Variants in GRID1 observed in about 807,000 individuals in gnomAD.
GRID1 encodes glutamate receptor ionotropic, delta-1.
A neutral mutation model predicts 98.0 loss-of-function variants in GRID1; 28 were observed. The ratio of observed to expected loss-of-function variants is 0.29; its 90% confidence interval spans 0.21 to 0.39. The LOEUF is 0.39. Ranked by LOEUF, GRID1 falls within the 10% of genes least tolerant of loss-of-function variation. The probability of loss-of-function intolerance (pLI) is 1.00; values close to 1 mark genes in which losing one functional copy is unlikely to be tolerated. For missense variants in GRID1, 1,111 were observed against 1,340.5 expected (o/e 0.83, Z 2.67); for synonymous variants, 553 against 538.5 (o/e 1.03, Z -0.37).
chr10:85,716,019 G>A (rs892932581), intron 12 of GRID1, among the ~76,000 whole-genome samples: 1 of 151,634 alleles, frequency 6.6e-6, no homozygotes, highest in African/African-American at 2.4e-5. Context: ...TGATTCTCCT[G>A]CCTCAGCCTC....
intron 4 of GRID1, among the ~76,000 whole-genome samples, chr10:86,052,013 C>A (rs1843509030): frequency 6.6e-6 from 1 of 152,140 alleles, no homozygotes; most frequent in Non-Finnish European, 1.5e-5. Flanking sequence ...CACAATTTTT[C>A]ATAGCACAAG....
chr10:86,114,996 C>G (rs2131954876), intron 4 of GRID1, among the ~76,000 whole-genome samples: 1 of 152,168 alleles, frequency 6.6e-6, no homozygotes, highest in East Asian at 1.9e-4. Flanking sequence ...CATGTATCTT[C>G]CCCATTTCCT....
intron 2 of GRID1, among the ~76,000 whole-genome samples, chr10:86,247,144 G>T (rs1363675584): frequency 6.6e-6 from 1 of 152,206 alleles, no homozygotes; most frequent in Non-Finnish European, 1.5e-5. Context: ...GTAGGTGGAT[G>T]GATGGATGAG....
rs77360577 is a variant in GRID1 at position 85,848,166 on chromosome 10, T to A, written c.1233+6330A>T. 8.0e-3 allele frequency among the ~76,000 whole-genome samples: 1,212 copies of A among 152,280 alleles called. 8 individuals are homozygous for A. Among genetic ancestry groups the A allele is most frequent in the Non-Finnish European group, 0.012 (838 of 67,986 alleles). On this transcript the variant is annotated intron_variant, in intron 8 of 15. Coordinates refer to ENST00000327946, the MANE Select transcript of GRID1 (RefSeq NM_017551.3). Reference sequence around the variant, plus strand: ...TTAGCATGTGATATAACATAGACTTTATATACTACTCATGGATGTGAAAGT... The same window carrying A: ...TTAGCATGTGATATAACATAGACTTAATATACTACTCATGGATGTGAAAGT...
chr10:85,882,507 C>G (rs2131804167), intron 5 of GRID1, among the ~76,000 whole-genome samples: 1 of 152,166 alleles, frequency 6.6e-6, no homozygotes, highest in East Asian at 1.9e-4. Context: ...TCATTCTCAG[C>G]AAACTATCGC....
chr10:86,179,058 G>C (rs1845617316), intron 3 of GRID1, among the ~76,000 whole-genome samples: 1 of 152,086 alleles, frequency 6.6e-6, no homozygotes, highest in African/African-American at 2.4e-5. Context: ...AATGCCTGGG[G>C]CTTAGGTCAT....
intron 8 of GRID1, among the ~76,000 whole-genome samples, chr10:85,828,717 A>G (rs1042618543): frequency 2.0e-5 from 3 of 152,284 alleles, no homozygotes; most frequent in African/African-American, 7.2e-5. Context: ...AAAAAAATGA[A>G]TAAATTCCTG....
At chr10:85,735,970 G>C (rs1274707084) in intron 8 of GRID1, among the ~76,000 whole-genome samples, 5 of 140,370 alleles carry the variant, frequency 3.6e-5, no homozygotes, top group Non-Finnish European at 4.6e-5. Flanking sequence ...AGTGAAGAAG[G>C]GAGAGAGGGA....
intron 4 of GRID1, among the ~76,000 whole-genome samples, chr10:86,136,772 G>C (rs1420348536): frequency 6.6e-6 from 1 of 152,154 alleles, no homozygotes; most frequent in Non-Finnish European, 1.5e-5. Flanking sequence ...AACAATCCCA[G>C]GGACTTGACT....
intron 4 of GRID1, among the ~76,000 whole-genome samples, chr10:86,000,619 C>A (rs367729286): frequency 1.3e-5 from 2 of 152,118 alleles, no homozygotes; most frequent in Non-Finnish European, 2.9e-5. Flanking sequence ...AATAGACCCA[C>A]ACAAATATAG....
intron 13 of GRID1, among the ~76,000 whole-genome samples, chr10:85,644,810 C>A (rs150009848): frequency 1.5e-4 from 23 of 152,336 alleles, no homozygotes; most frequent in African/African-American, 5.3e-4. Context: ...ACTGTTACTC[C>A]ACGTCTTCTT....
chr10:85,804,356 T>C (rs961385176), intron 8 of GRID1, among the ~76,000 whole-genome samples: 16 of 151,840 alleles, frequency 1.1e-4, no homozygotes, highest in South Asian at 2.1e-4. Flanking sequence ...AATAGACCTG[T>C]AACAATTAAA....
intron 5 of GRID1, among the ~76,000 whole-genome samples, chr10:85,884,781 G>C (rs1368167012): frequency 2.0e-5 from 3 of 152,100 alleles, no homozygotes; most frequent in Non-Finnish European, 4.4e-5. Flanking sequence ...AGAATTTGGG[G>C]CATTAACTGT....
chr10:85,889,254 C>T (rs886484218), intron 5 of GRID1, among the ~76,000 whole-genome samples: 3 of 152,198 alleles, frequency 2.0e-5, no homozygotes, highest in Non-Finnish European at 2.9e-5. Context: ...CAATCCCCTG[C>T]ACCCAACAGA....
chr10:86,143,909 G>T (rs1309340103), intron 3 of GRID1, among the ~76,000 whole-genome samples: 1 of 152,126 alleles, frequency 6.6e-6, no homozygotes, highest in Non-Finnish European at 1.5e-5. Context: ...CCTTGACATC[G>T]CCTCTCTGCC....
intron 5 of GRID1, among the ~76,000 whole-genome samples, chr10:85,880,507 A>G (rs1383232879): frequency 1.3e-5 from 2 of 152,156 alleles, no homozygotes; most frequent in Admixed American, 6.5e-5. Flanking sequence ...TATAAACAGA[A>G]CCAAAGACAA....
chr10:86,127,846 C>T (rs1007395036), intron 4 of GRID1, among the ~76,000 whole-genome samples: 8 of 152,168 alleles, frequency 5.3e-5, no homozygotes, highest in Non-Finnish European at 7.3e-5. Context: ...CCAACAGCCC[C>T]AGATTGGTTC....
rs1465808455 is a variant in GRID1, at chr10:86,172,571, G to A, written c.521-33547C>T. 3.3e-5 allele frequency among the ~76,000 whole-genome samples: 5 copies of A among 152,028 alleles called. No homozygotes were observed. The East Asian group carries it at 9.6e-4, about 29-fold the overall frequency. On this transcript the variant is annotated intron_variant, in intron 3 of 15. Transcript: ENST00000327946. ...ATCCCATGGTATGAATCATTTTCTA[G>A]CAAAAAATAATATGACTATATTATA...
intron 8 of GRID1, among the ~76,000 whole-genome samples, chr10:85,737,760 A>G (rs1464046924): frequency 6.8e-6 from 1 of 147,928 alleles, no homozygotes; most frequent in Non-Finnish European, 1.5e-5. Flanking sequence ...ATACAACCAT[A>G]TATATATGTA....
Sources: allele counts gnomAD v4.1 joint callset (sites outside exome capture counted in the v4.1 genomes callset), GRCh38; gene constraint gnomAD v4.1.1; transcripts MANE v1.5; gene names NCBI Gene and HGNC (gene_info 2026-07-23, HGNC 2026-07-21).